ZDHHC21: variants seen among roughly 807,000 people sequenced by gnomAD.
The protein encoded by ZDHHC21 is palmitoyltransferase ZDHHC21.
A neutral mutation model predicts 34.6 loss-of-function variants in ZDHHC21; 15 were observed. The ratio of observed to expected loss-of-function variants is 0.43; its 90% CI spans 0.29 to 0.67. ZDHHC21 has a LOEUF of 0.67. Among genes scored for constraint, ZDHHC21 ranks in the 30% least tolerant of loss-of-function variants. The pLI is 0.14. For synonymous variants in ZDHHC21, 142 were observed against 101.8 expected (o/e 1.40, Z -2.38); for missense variants, 344 against 327.7 (o/e 1.05, Z -0.38).
the ZDHHC21 span, among the ~76,000 whole-genome samples, chr9:14,594,581 T>C: frequency 6.6e-6 from 1 of 152,110 alleles, no homozygotes; most frequent in Non-Finnish European, 1.5e-5. Flanking sequence ...ACAGTAGATA[T>C]AAATGTAAAA....
intron 8 of ZDHHC21, among the ~76,000 whole-genome samples, chr9:14,624,440 A>G (rs919750805): frequency 1.3e-5 from 2 of 152,190 alleles, no homozygotes; most frequent in Admixed American, 1.3e-4. Context: ...CAGCAGATGA[A>G]TAAAGTAAAT....
At chr9:14,692,908 A>C (rs1033059573) in intron 1 of ZDHHC21, among the ~76,000 whole-genome samples, 1 of 152,004 alleles carries the variant, frequency 6.6e-6, no homozygotes, top group Admixed American at 6.6e-5. Flanking sequence ...AAAATAAATA[A>C]ATAAATAACT....
At chr9:14,670,972 T>C (rs888199332) in intron 5 of ZDHHC21, among the ~76,000 whole-genome samples, 1 of 152,128 alleles carries the variant, frequency 6.6e-6, no homozygotes, top group Non-Finnish European at 1.5e-5. Flanking sequence ...TTCTGATGTC[T>C]AGTGATTTTT....
intron 5 of ZDHHC21, among the ~76,000 whole-genome samples, chr9:14,662,645 G>C (rs1407236038): frequency 6.6e-6 from 1 of 152,116 alleles, no homozygotes; most frequent in Non-Finnish European, 1.5e-5. Flanking sequence ...CAAAACCCTA[G>C]AGCCCAACCA....
At chr9:14,682,614 C>G (rs1006804067) in intron 2 of ZDHHC21, among the ~76,000 whole-genome samples, 4 of 152,022 alleles carry the variant, frequency 2.6e-5, no homozygotes, top group Non-Finnish European at 1.5e-5. Flanking sequence ...ACTCTACTGT[C>G]AACATTAGAT....
chr9:14,676,721 T>A (rs977538255), intron 3 of ZDHHC21, among the ~76,000 whole-genome samples: 1 of 151,968 alleles, frequency 6.6e-6, no homozygotes, highest in Non-Finnish European at 1.5e-5. Flanking sequence ...AGCATGCTAT[T>A]TAATTTGCTA....
At chr9:14,619,553 T>C (rs1216295159) in intron 9 of ZDHHC21, 86 bp downstream of exon 9, 1 of 1,077,218 alleles carries the variant, frequency 9.3e-7, no homozygotes, top group Non-Finnish European at 1.3e-6. Context: ...CATTATATTA[T>C]CTATCTACCA....
intron 4 of ZDHHC21, among the ~76,000 whole-genome samples, chr9:14,673,159 T>C (rs192625287): frequency 1.5e-3 from 230 of 152,196 alleles, no homozygotes; most frequent in African/African-American, 5.4e-3. Flanking sequence ...TTTTACATGA[T>C]AGTAACTCAA....
chr9:14,683,622 A>C (rs1187212174), intron 2 of ZDHHC21: 1 of 152,226 alleles, frequency 6.6e-6, no homozygotes, highest in African/African-American at 2.4e-5. Context: ...TACCAGAGGT[A>C]CAAGGAGGAG....
At chr9:14,648,961 T>C (rs1441277339) in intron 7 of ZDHHC21, among the ~76,000 whole-genome samples, 1 of 152,002 alleles carries the variant, frequency 6.6e-6, no homozygotes, top group African/African-American at 2.4e-5. Flanking sequence ...TTTGTGATCT[T>C]CCTCCTACTG....
At chr9:14,639,457 A>G (rs577391983) in intron 8 of ZDHHC21, among the ~76,000 whole-genome samples, 7 of 152,238 alleles carry the variant, frequency 4.6e-5, no homozygotes, top group African/African-American at 1.7e-4. Flanking sequence ...TAGGGTGACT[A>G]CAGTCAGCAG....
intron 8 of ZDHHC21, among the ~76,000 whole-genome samples, chr9:14,629,365 A>C (rs1269112771): frequency 2.6e-5 from 4 of 152,206 alleles, no homozygotes; most frequent in African/African-American, 9.6e-5. Context: ...GCAATTTGAG[A>C]ATTAACATGT....
Position 14,618,009 on chromosome 9 carries a change from G to GTA in ZDHHC21, c.*955_*956dup, listed in dbSNP as rs1401680344. The GTA allele has an allele frequency of 6.6e-6, 1 of 152,292 alleles. No homozygotes were observed. The highest frequency in any genetic ancestry group is 1.5e-5 in the Non-Finnish European group (1 of 67,916). The allele number at this position is 152,292 out of a possible 1,614,324, so 9.4% of individuals were successfully genotyped here. A position where few individuals can be genotyped will look rare whatever the true frequency, so the allele number is the denominator to read the frequency against. ...ACTAGTACATAAATAAAAGTAAAAAGTATACTCTTTTCAAAAGCACAATAT... is the reference window on the plus strand; with the variant it reads ...ACTAGTACATAAATAAAAGTAAAAAGTATATACTCTTTTCAAAAGCACAATAT... On this transcript the variant is annotated 3_prime_UTR_variant, in exon 10 of 10. Transcript: ENST00000380916.
Position 14,617,455 on chromosome 9 carries a change from G to A in ZDHHC21, c.*1511C>T, listed in dbSNP as rs1824423471. ...GAACTAACCACAGTATAGCCAACTG[G>A]CTGACAATGGTAACCTTCTGTTTAA... On this transcript the variant is annotated 3_prime_UTR_variant, in exon 10 of 10. Transcript: ENST00000380916. 1 of 151,940 alleles carries A rather than the reference G, an allele frequency of 6.6e-6. No homozygotes were observed. The highest frequency in any genetic ancestry group is 2.4e-5 in the African/African-American group (1 of 41,420). The allele number at this position is 151,940 out of a possible 1,614,324, so 9.4% of individuals were successfully genotyped here. A position where few individuals can be genotyped will look rare whatever the true frequency, so the allele number is the denominator to read the frequency against.
chr9:14,596,786 C>T, the ZDHHC21 span, among the ~76,000 whole-genome samples: 1 of 152,054 alleles, frequency 6.6e-6, no homozygotes, highest in African/African-American at 2.4e-5. Flanking sequence ...TGGCTGGTGG[C>T]TAGAGGTACG....
At chr9:14,629,614 A>T (rs1826956767) in intron 8 of ZDHHC21, among the ~76,000 whole-genome samples, 1 of 152,184 alleles carries the variant, frequency 6.6e-6, no homozygotes, top group Non-Finnish European at 1.5e-5. Flanking sequence ...ACCTTAAATT[A>T]AAAATTATTT....
chr9:14,646,661 G>T (rs777374597), intron 7 of ZDHHC21, among the ~76,000 whole-genome samples: 5 of 152,054 alleles, frequency 3.3e-5, no homozygotes, highest in Non-Finnish European at 5.9e-5. Context: ...TGCTGCATTT[G>T]TTCTTCCCAG....
chr9:14,615,946 C>A lies in ZDHHC21; in HGVS notation c.*3020G>T, dbSNP rs1318212279. On this transcript the variant is annotated 3_prime_UTR_variant, in exon 10 of 10. Coordinates refer to ENST00000380916, the MANE Select transcript of ZDHHC21 (RefSeq NM_178566.6). ...CACAATTATTTTCTAATGCCCAACA[C>A]CTTTAGTTGTTTTCAGTTATCCAGA... 1 of 151,540 alleles carries A rather than the reference C, an allele frequency of 6.6e-6. No individual in the cohort carries two copies. The highest frequency in any genetic ancestry group is 1.5e-5 in the Non-Finnish European group (1 of 67,706). 9.4% of individuals were successfully genotyped at this position (151,540 alleles called of 1,614,324 possible).
intron 7 of ZDHHC21, among the ~76,000 whole-genome samples, chr9:14,658,464 C>CTTT (rs769819264): frequency 0.41 from 26,865 of 65,204 alleles, 11,940 homozygotes; most frequent in East Asian, 0.5. Context: ...ATAAACATTT[C>CTTT]TTTTTTTTTT....
Sources: allele counts gnomAD v4.1 joint callset (sites outside exome capture counted in the v4.1 genomes callset), GRCh38; gene constraint gnomAD v4.1.1; transcripts MANE v1.5; gene names NCBI Gene and HGNC (gene_info 2026-07-23, HGNC 2026-07-21).